The following RYR2 variants were observed in gnomAD, a reference collection of about 807,000 sequenced individuals.
The protein encoded by RYR2 is ryanodine receptor 2.
Under a neutral mutation model 601.1 loss-of-function variants are expected in RYR2, and 227 were observed. The observed-to-expected ratio is 0.38, with a 90% CI of 0.34 to 0.42. The LOEUF (loss-of-function observed/expected upper bound fraction) is 0.42, where lower values mean the gene tolerates loss of function less well. RYR2 is among the 10% of genes least tolerant of loss of function. The pLI, the probability that RYR2 is intolerant of heterozygous loss-of-function variation, is 1.00. For synonymous variants in RYR2, 2,223 were observed against 2,175.1 expected (o/e 1.02, Z -0.61); for missense variants, 4,646 against 6,156.5 (o/e 0.75, Z 8.21).
chr1:237,756,459 C>A, intron 81 of RYR2, 72 bp downstream of exon 81: 1 of 954,130 alleles, frequency 1.0e-6, no homozygotes, highest in Non-Finnish European at 1.6e-6. Context: ...GGTCCTCCCT[C>A]ATTTCAATTC....
intron 23 of RYR2, among the ~76,000 whole-genome samples, chr1:237,510,500 A>G (rs1180862475): frequency 6.8e-6 from 1 of 146,336 alleles, no homozygotes; most frequent in Non-Finnish European, 1.5e-5. Flanking sequence ...TTCATTTTCA[A>G]AGTTCTGCAA....
intron 1 of RYR2, among the ~76,000 whole-genome samples, chr1:237,149,433 G>T (rs985486908): frequency 2.6e-5 from 4 of 152,104 alleles, no homozygotes; most frequent in Non-Finnish European, 5.9e-5. Flanking sequence ...AGTTTACAAG[G>T]GTGTGTTGAT....
At chr1:237,645,088 C>A (rs532224153) in intron 48 of RYR2, among the ~76,000 whole-genome samples, 2 of 152,196 alleles carry the variant, frequency 1.3e-5, no homozygotes, top group South Asian at 2.1e-4. Flanking sequence ...ATATATATTC[C>A]TTTTCTTTCA....
At chr1:237,470,453 A>G (rs945522348) in intron 17 of RYR2, among the ~76,000 whole-genome samples, 1 of 152,194 alleles carries the variant, frequency 6.6e-6, no homozygotes, top group African/African-American at 2.4e-5. Flanking sequence ...AAAAATGTGT[A>G]GAGTTTAGAT....
chr1:237,174,151 AT>A (rs1461114789), intron 1 of RYR2, among the ~76,000 whole-genome samples: 1 of 152,180 alleles, frequency 6.6e-6, no homozygotes, highest in African/African-American at 2.4e-5. Context: ...CATTATGAGA[AT>A]TTTTTAAAAG....
chr1:237,831,217 T>C (rs549424281), intron 103 of RYR2, among the ~76,000 whole-genome samples: 1 of 152,346 alleles, frequency 6.6e-6, no homozygotes, highest in South Asian at 2.1e-4. Flanking sequence ...ACTTGATCAG[T>C]AAATTACAAC....
chr1:237,110,277 T>C (rs200749637), intron 1 of RYR2, among the ~76,000 whole-genome samples: 1 of 145,850 alleles, frequency 6.9e-6, no homozygotes, highest in Non-Finnish European at 1.5e-5. Flanking sequence ...ATTTTTTTTT[T>C]CTTTTTTTAA....
At chr1:237,163,367 C>T (rs1342364128) in intron 1 of RYR2, among the ~76,000 whole-genome samples, 1 of 147,056 alleles carries the variant, frequency 6.8e-6, no homozygotes, top group Non-Finnish European at 1.5e-5. Flanking sequence ...CCCCCCCACC[C>T]CCACCCCTCC....
intron 87 of RYR2, among the ~76,000 whole-genome samples, chr1:237,777,999 C>T (rs1011267657): frequency 4.6e-5 from 7 of 152,134 alleles, no homozygotes; most frequent in African/African-American, 1.7e-4. Context: ...CTTAAATTTA[C>T]ATTGAGTTGG....
chr1:237,136,747 G>A (rs1672824398), intron 1 of RYR2, among the ~76,000 whole-genome samples: 1 of 152,144 alleles, frequency 6.6e-6, no homozygotes, highest in Non-Finnish European at 1.5e-5. Flanking sequence ...TGGGTGTGGT[G>A]GCTTACGCCT....
intron 1 of RYR2, among the ~76,000 whole-genome samples, chr1:237,128,385 C>G (rs145143883): frequency 4.6e-5 from 7 of 151,968 alleles, no homozygotes; most frequent in African/African-American, 1.7e-4. Context: ...AGAGGCAGAC[C>G]GTGGGGAGAG....
chr1:237,357,364 C>G (rs886367233), intron 4 of RYR2, among the ~76,000 whole-genome samples: 1 of 152,178 alleles, frequency 6.6e-6, no homozygotes, highest in Non-Finnish European at 1.5e-5. Context: ...CTAATATCAG[C>G]ATCCTACAAC....
In RYR2 at chr1:237,266,330, T is replaced by TTGTG. The variant is rs3056169; in HGVS notation, c.49-4147_49-4144dup. Among the ~76,000 whole-genome samples the TTGTG allele has an allele frequency of 4.1e-3, 606 of 149,448 alleles. 4 individuals carry two copies. The highest frequency in any genetic ancestry group is 0.024 in the East Asian group (124 of 5,082). Reference sequence around the variant, plus strand: ...CTTTATTCTTGGAATAGAAACTAGATTGTGTGTGTGTGTGTGTGTGTGTAC... The same window carrying TTGTG: ...CTTTATTCTTGGAATAGAAACTAGATTGTGTGTGTGTGTGTGTGTGTGTGTGTAC... On this transcript the variant is annotated intron_variant, in intron 1 of 104. Transcript: ENST00000366574.
rs547266452 is a variant in RYR2, at chr1:237,206,855, A to G, written c.49-63642A>G. Among the ~76,000 whole-genome samples, 9 of 152,318 alleles carry G rather than the reference A, an allele frequency of 5.9e-5. No individual in the cohort carries two copies. The South Asian group carries it at 1.7e-3, about 28-fold the overall frequency. Reference sequence around the variant, plus strand: ...CCTAACATTGAAAAGACTACTGATAATGAGTTCCATGGGACCAGCTGTTAC... The same window carrying G: ...CCTAACATTGAAAAGACTACTGATAGTGAGTTCCATGGGACCAGCTGTTAC... On this transcript the variant is annotated intron_variant, in intron 1 of 104. Transcript: ENST00000366574.
intron 1 of RYR2, among the ~76,000 whole-genome samples, chr1:237,109,197 A>G (rs1214615518): frequency 2.0e-5 from 3 of 151,346 alleles, no homozygotes; most frequent in Non-Finnish European, 2.9e-5. Flanking sequence ...TGTAAAATAC[A>G]TATATGTATA....
intron 97 of RYR2, among the ~76,000 whole-genome samples, chr1:237,799,122 A>AACTT (rs1196681771): frequency 1.3e-5 from 2 of 152,156 alleles, no homozygotes; most frequent in African/African-American, 2.4e-5. Flanking sequence ...CTTGTTTTTG[A>AACTT]ACTTACTGAA....
intron 79 of RYR2, among the ~76,000 whole-genome samples, chr1:237,736,807 G>C (rs972220467): frequency 7.9e-5 from 12 of 152,208 alleles, no homozygotes; most frequent in African/African-American, 2.9e-4. Context: ...TAGCAGTAAT[G>C]CTCCCCCTGG....
At chr1:237,635,195 C>T (rs1263501207) in intron 44 of RYR2, among the ~76,000 whole-genome samples, 1 of 152,070 alleles carries the variant, frequency 6.6e-6, no homozygotes, top group Non-Finnish European at 1.5e-5. Context: ...TTACATTGCA[C>T]ACTATATAAT....
chr1:237,608,999 T>C (rs1677482879), intron 35 of RYR2, among the ~76,000 whole-genome samples: 1 of 151,720 alleles, frequency 6.6e-6, no homozygotes, highest in Non-Finnish European at 1.5e-5. Context: ...TTCTCTCTTC[T>C]TCTCTTCTCC....
Sources: gnomAD v4.1 joint callset for allele counts (sites outside exome capture counted in the v4.1 genomes callset) on GRCh38, gnomAD v4.1.1 for gene constraint, MANE v1.5 for transcripts, NCBI Gene and HGNC (gene_info 2026-07-23, HGNC 2026-07-21) for gene names.